The following RBFOX1 variants were observed in gnomAD, a reference collection of about 807,000 sequenced individuals.
The protein encoded by RBFOX1 is RNA binding fox-1 homolog 1.
RBFOX1 carries 8 observed loss-of-function variants against 57.7 expected under a neutral mutation model. That is an observed-to-expected ratio of 0.14 (90% CI 0.08 to 0.25). RBFOX1 has a LOEUF of 0.25. Among genes scored for constraint, RBFOX1 ranks in the 10% least tolerant of loss-of-function variants. The probability of loss-of-function intolerance (pLI) is 1.00; values close to 1 mark genes in which losing one functional copy is unlikely to be tolerated. For synonymous variants in RBFOX1, 326 were observed against 222.4 expected (o/e 1.47, Z -4.15); for missense variants, 611 against 548.5 (o/e 1.11, Z -1.14).
rs1479827388 is a variant in RBFOX1, at chr16:5,313,543, C to T, written c.219+73438C>T. Among the ~76,000 whole-genome samples the T allele has an allele frequency of 2.0e-5, 3 of 152,102 alleles. No individual in the cohort carries two copies. In the East Asian group the frequency reaches 5.8e-4, roughly 29 times the overall value. On this transcript the variant is annotated intron_variant, in intron 1 of 2. Coordinates refer to the RBFOX1 transcript ENST00000585867. ...TTCATGCTGCTGATAAAGACTTACC[C>T]GAGACTGGGAAGAGAAAGAGGTTTA... is the stretch of plus-strand genomic sequence containing the variant.
intron 3 of RBFOX1, among the ~76,000 whole-genome samples, chr16:7,005,100 C>T (rs1190715756): frequency 3.9e-5 from 6 of 152,022 alleles, no homozygotes; most frequent in Non-Finnish European, 5.9e-5. Flanking sequence ...GCTGAGATCG[C>T]GTCATTGCAC....
rs192948774 is a variant in RBFOX1, at chr16:7,077,968, G to A, written c.27+25870G>A. Among the ~76,000 whole-genome samples the A allele has an allele frequency of 5.3e-3, 809 of 152,262 alleles. 5 individuals are homozygous for A. Among genetic ancestry groups the A allele is most frequent in the Non-Finnish European group, 9.3e-3 (635 of 68,016 alleles). On this transcript the variant is annotated intron_variant, in intron 4 of 15. Coordinates refer to ENST00000550418, the MANE Select transcript of RBFOX1 (RefSeq NM_018723.4). ...AAACAGAGAGAAAGTAAACTCAAGG[G>A]CTGTGCTGTCTCCTGAGTTACTCTG...
intron 2 of RBFOX1, among the ~76,000 whole-genome samples, chr16:5,513,141 C>T (rs2043666215): frequency 6.6e-6 from 1 of 152,110 alleles, no homozygotes; most frequent in Non-Finnish European, 1.5e-5. Flanking sequence ...TCTTGAACTC[C>T]AGGGCTCAAG....
chr16:5,551,946 C>T (rs376841942), intron 2 of RBFOX1, among the ~76,000 whole-genome samples: 2 of 152,128 alleles, frequency 1.3e-5, no homozygotes, highest in African/African-American at 2.4e-5. Flanking sequence ...CAGCTTCATC[C>T]GTGTCCCTGC....
At position 7,358,002 on chromosome 16, in the gene RBFOX1, A is replaced by G. The variant is rs1048513571; in HGVS notation, c.28-160145A>G. ...CTGCCTGAGAATCACGTTATCTTCC[A>G]TGTGGGCTAATGACTAGTGCAGCCT... On this transcript the variant is annotated intron_variant, in intron 4 of 15. Transcript: ENST00000550418. Among the ~76,000 whole-genome samples, 10 of 152,152 alleles carry G rather than the reference A, an allele frequency of 6.6e-5. No homozygotes were observed. The East Asian group carries it at 1.9e-3, about 29-fold the overall frequency.
At chr16:6,780,480 A>ATATATATTTATATACATTT in intron 3 of RBFOX1, among the ~76,000 whole-genome samples, 1 of 96,010 alleles carries the variant, frequency 1.0e-5, no homozygotes, top group African/African-American at 4.1e-5. Context: ...ATACATTTTT[A>ATATATATTTATATACATTT]TATATATTTA....
chr16:5,778,017 A>G (rs866335056), intron 3 of RBFOX1, among the ~76,000 whole-genome samples: 1 of 152,184 alleles, frequency 6.6e-6, no homozygotes, highest in Non-Finnish European at 1.5e-5. Flanking sequence ...ATTAAGATAC[A>G]TGCTCAGAAC....
chr16:7,047,931 T>A (rs1438090639), intron 3 of RBFOX1, among the ~76,000 whole-genome samples: 2 of 151,930 alleles, frequency 1.3e-5, no homozygotes, highest in Non-Finnish European at 2.9e-5. Flanking sequence ...CAGGCTGGAG[T>A]GCAGTGGTGC....
intron 1 of RBFOX1, among the ~76,000 whole-genome samples, chr16:6,139,978 C>G (rs2096702408): frequency 6.6e-6 from 1 of 152,220 alleles, no homozygotes; most frequent in Non-Finnish European, 1.5e-5. Context: ...CTGCTCCTCT[C>G]AAGATTCAGC....
At chr16:7,061,230 T>C (rs561719533) in intron 4 of RBFOX1, among the ~76,000 whole-genome samples, 2 of 152,250 alleles carry the variant, frequency 1.3e-5, no homozygotes, top group South Asian at 2.1e-4. Context: ...TCTAGTAAAA[T>C]AAGAAACTCA....
intron 4 of RBFOX1, among the ~76,000 whole-genome samples, chr16:5,997,763 A>C (rs906483003): frequency 6.6e-6 from 1 of 152,142 alleles, no homozygotes; most frequent in African/African-American, 2.4e-5. Flanking sequence ...GTTAAATCTC[A>C]CTCAACTAGG....
At chr16:7,641,533 G>C (rs764751637) in intron 11 of RBFOX1, among the ~76,000 whole-genome samples, 1 of 152,128 alleles carries the variant, frequency 6.6e-6, no homozygotes, top group Non-Finnish European at 1.5e-5. Context: ...TGCAACATAG[G>C]CTCTTGATGC....
intron 3 of RBFOX1, among the ~76,000 whole-genome samples, chr16:6,974,499 C>G (rs928233907): frequency 6.6e-6 from 1 of 151,810 alleles, no homozygotes; most frequent in Non-Finnish European, 1.5e-5. Flanking sequence ...TGCGTGCCAC[C>G]ACGCCCAGCT....
At chr16:6,288,950 G>A (rs1031849755) in intron 1 of RBFOX1, among the ~76,000 whole-genome samples, 7 of 152,038 alleles carry the variant, frequency 4.6e-5, no homozygotes, top group African/African-American at 1.7e-4. Flanking sequence ...CCCCCAGGAG[G>A]GTATAGACCA....
rs146703539 is a variant in RBFOX1 at position 7,032,456 on chromosome 16, T to C, written c.-15-19601T>C. On this transcript the variant is annotated intron_variant, in intron 3 of 15. Transcript: ENST00000550418. ...GACTTCATCTCAAAAAACAAACAAATAAATAAATAAATAATAAAAATCCCA... is the reference window on the plus strand; with the variant it reads ...GACTTCATCTCAAAAAACAAACAAACAAATAAATAAATAATAAAAATCCCA... Among the ~76,000 whole-genome samples the C allele has an allele frequency of 9.2e-4, 140 of 151,644 alleles. 1 individual carries two copies. In the Middle Eastern group the frequency reaches 0.01, roughly 11 times the overall value.
At chr16:7,608,652 C>G (rs2056825393) in intron 10 of RBFOX1, among the ~76,000 whole-genome samples, 1 of 152,168 alleles carries the variant, frequency 6.6e-6, no homozygotes, top group Non-Finnish European at 1.5e-5. Context: ...CCCTACTCAC[C>G]AGCAGTGTGA....
intron 3 of RBFOX1, among the ~76,000 whole-genome samples, chr16:6,881,143 T>G (rs1441658193): frequency 6.6e-6 from 1 of 152,144 alleles, no homozygotes; most frequent in Non-Finnish European, 1.5e-5. Flanking sequence ...GCAGTGACTA[T>G]AGATGATCAG....
At chr16:5,594,334 G>A (rs1487341545) in intron 2 of RBFOX1, among the ~76,000 whole-genome samples, 1 of 152,174 alleles carries the variant, frequency 6.6e-6, no homozygotes, top group Admixed American at 6.5e-5. Flanking sequence ...GAATATGTCT[G>A]TGAGCCCCGA....
chr16:6,776,638 C>T (rs1333843206), intron 3 of RBFOX1, among the ~76,000 whole-genome samples: 2 of 152,082 alleles, frequency 1.3e-5, no homozygotes, highest in African/African-American at 2.4e-5. Flanking sequence ...CCTTTCAAAT[C>T]GGTATGCCAT....
Sources: gnomAD v4.1 joint callset for allele counts (sites outside exome capture counted in the v4.1 genomes callset) on GRCh38, gnomAD v4.1.1 for gene constraint, MANE v1.5 for transcripts, NCBI Gene and HGNC (gene_info 2026-07-23, HGNC 2026-07-21) for gene names.